Variants in FRYL observed in about 807,000 individuals in gnomAD.
FRYL encodes the protein FRY like transcription coactivator, also known as protein furry homolog-like.
FRYL carries 150 observed loss-of-function variants against 351.2 expected under a neutral mutation model. The observed-to-expected ratio is 0.43, with a 90% confidence interval of 0.37 to 0.49. The LOEUF (loss-of-function observed/expected upper bound fraction) is 0.49. Ranked by LOEUF, FRYL falls within the 20% of genes least tolerant of loss-of-function variation. FRYL has a pLI of 0.00. For missense variants in FRYL, 3,036 were observed against 3,619.3 expected (o/e 0.84, Z 4.13); for synonymous variants, 1,153 against 1,257.1 (o/e 0.92, Z 1.75).
At chr4:48,766,595 G>A (rs1419879255) in intron 1 of FRYL, among the ~76,000 whole-genome samples, 2 of 152,144 alleles carry the variant, frequency 1.3e-5, no homozygotes, top group East Asian at 3.9e-4. Flanking sequence ...CCCAGTCACA[G>A]GGGGCCCTGA....
At chr4:48,624,953 A>G (rs1186394951) in intron 4 of FRYL, among the ~76,000 whole-genome samples, 1 of 152,170 alleles carries the variant, frequency 6.6e-6, no homozygotes, top group Non-Finnish European at 1.5e-5. Context: ...AAAGTGAAAC[A>G]TCGGTTCTTC....
intron 2 of FRYL, among the ~76,000 whole-genome samples, chr4:48,697,690 G>A (rs184475253): frequency 9.2e-5 from 14 of 152,198 alleles, no homozygotes; most frequent in Non-Finnish European, 1.8e-4. Context: ...TGCTGGTCAC[G>A]CTGGTCTTAA....
chr4:48,559,421 C>T (rs1012801371), intron 33 of FRYL, among the ~76,000 whole-genome samples: 4 of 132,904 alleles, frequency 3.0e-5, no homozygotes, highest in African/African-American at 5.7e-5. Flanking sequence ...GGGCTGGGTG[C>T]GGTGGCTCAT....
At chr4:48,636,880 TCAAGA>T (rs1331737940) in intron 3 of FRYL, 2 of 152,116 alleles carry the variant, frequency 1.3e-5, no homozygotes, top group Non-Finnish European at 1.5e-5. Context: ...TTTATTTTGT[TCAAGA>T]CAAATGATTT....
intron 53 of FRYL, among the ~76,000 whole-genome samples, chr4:48,524,859 C>A (rs1345672470): frequency 6.6e-6 from 1 of 151,828 alleles, no homozygotes; most frequent in East Asian, 1.9e-4. Flanking sequence ...TCAAGAGCTG[C>A]CTTTAGAAAT....
intron 40 of FRYL, among the ~76,000 whole-genome samples, chr4:48,548,453 G>A (rs1731909472): frequency 6.6e-6 from 1 of 152,102 alleles, no homozygotes; most frequent in Non-Finnish European, 1.5e-5. Context: ...TTGTGTGTGG[G>A]CAGGCGAGGC....
At chr4:48,740,839 G>C (rs1771975443) in intron 1 of FRYL, among the ~76,000 whole-genome samples, 1 of 152,124 alleles carries the variant, frequency 6.6e-6, no homozygotes, top group African/African-American at 2.4e-5. Context: ...TTGAAAGACA[G>C]CTTGGTGGTT....
At chr4:48,676,565 G>C (rs992654730) in intron 3 of FRYL, among the ~76,000 whole-genome samples, 1 of 91,552 alleles carries the variant, frequency 1.1e-5, no homozygotes, top group Non-Finnish European at 2.3e-5. Flanking sequence ...TTTTTTTTTT[G>C]TATTTTTATT....
intron 55 of FRYL, among the ~76,000 whole-genome samples, chr4:48,516,790 G>A (rs1477966361): frequency 6.6e-6 from 1 of 152,206 alleles, no homozygotes; most frequent in Non-Finnish European, 1.5e-5. Context: ...ATATACCAGA[G>A]TATGGTAAAT....
At chr4:48,561,298 T>C (rs1396214970) in intron 33 of FRYL, among the ~76,000 whole-genome samples, 170 bp downstream of exon 33, 2 of 152,122 alleles carry the variant, frequency 1.3e-5, no homozygotes, top group African/African-American at 4.8e-5. Flanking sequence ...AACCTAAATA[T>C]TGTGACTGAT....
At chr4:48,632,071 AAAAAAAAAAAAAAAAAAAAAATATATAT>A (rs1753098723) in intron 4 of FRYL, among the ~76,000 whole-genome samples, 2 of 30,788 alleles carry the variant, frequency 6.5e-5, no homozygotes, top group East Asian at 1.0e-3. Flanking sequence ...AAAAAAAAAA[AAAAAAAAAAAAAAAAAAAAAATATATAT>A]ATATATATAT....
At chr4:48,589,344 G>T (rs1208831563) in intron 18 of FRYL, among the ~76,000 whole-genome samples, 1 of 150,784 alleles carries the variant, frequency 6.6e-6, no homozygotes, top group Non-Finnish European at 1.5e-5. Flanking sequence ...TAGTTCCTAG[G>T]AGTCAAAAAT....
At chr4:48,533,881 T>C (rs761123042) in intron 49 of FRYL, among the ~76,000 whole-genome samples, 5 of 152,184 alleles carry the variant, frequency 3.3e-5, no homozygotes, top group African/African-American at 1.2e-4. Flanking sequence ...CTAAAAGTAG[T>C]GTATGCCCAC....
intron 57 of FRYL, among the ~76,000 whole-genome samples, chr4:48,511,426 A>G (rs1396612560): frequency 1.3e-5 from 2 of 152,208 alleles, no homozygotes; most frequent in Admixed American, 6.5e-5. Context: ...AAAATGTATT[A>G]AGAGTAATAT....
chr4:48,582,020 G>A (rs1246375720), intron 20 of FRYL, among the ~76,000 whole-genome samples: 1 of 152,190 alleles, frequency 6.6e-6, no homozygotes, highest in Non-Finnish European at 1.5e-5. Flanking sequence ...TAAAGGTTGA[G>A]AAGCTAGGGT....
chr4:48,743,733 T>A (rs1211196662), intron 1 of FRYL, among the ~76,000 whole-genome samples: 1 of 152,194 alleles, frequency 6.6e-6, no homozygotes, highest in Non-Finnish European at 1.5e-5. Context: ...TAAAGCAGAT[T>A]ACTCTCCAAA....
chr4:48,608,306 A>C (rs1747296601), intron 9 of FRYL, among the ~76,000 whole-genome samples: 2 of 152,208 alleles, frequency 1.3e-5, no homozygotes, highest in African/African-American at 4.8e-5. Flanking sequence ...TTATATGATG[A>C]TTTCAGGGCC....
At chr4:48,595,108 C>T (rs997171437) in intron 15 of FRYL, among the ~76,000 whole-genome samples, 1 of 152,318 alleles carries the variant, frequency 6.6e-6, no homozygotes, top group South Asian at 2.1e-4. Context: ...CTGAAGCATA[C>T]CCACATGTGG....
At chr4:48,717,298 T>C (rs994970802) in intron 1 of FRYL, among the ~76,000 whole-genome samples, 13 of 151,242 alleles carry the variant, frequency 8.6e-5, no homozygotes. Flanking sequence ...AAAAACATTA[T>C]GCTAACTGAA....
Sources: allele counts gnomAD v4.1 joint callset (sites outside exome capture counted in the v4.1 genomes callset), GRCh38; gene constraint gnomAD v4.1.1; transcripts MANE v1.5; gene names NCBI Gene and HGNC (gene_info 2026-07-23, HGNC 2026-07-21).